The following TSPAN15 variants were observed in gnomAD, a reference collection of about 807,000 sequenced individuals.
TSPAN15 encodes the protein tetraspanin-15.
In TSPAN15, 20 loss-of-function variants were observed where a neutral mutation model predicts 34.5. That is an observed-to-expected ratio of 0.58 (90% CI 0.41 to 0.84). The LOEUF (loss-of-function observed/expected upper bound fraction) is 0.84, where lower values mean the gene tolerates loss of function less well. TSPAN15 is among the 40% of genes least tolerant of loss of function. The pLI, the probability that TSPAN15 is intolerant of heterozygous loss-of-function variation, is 0.00. For missense variants in TSPAN15, 313 were observed against 386.1 expected, an observed-to-expected ratio of 0.81 and a Z score of 1.59; for synonymous variants, 155 against 153.9, an observed-to-expected ratio of 1.01 and a Z score of -0.05.
chr10:69,521,490 T>C, the TSPAN15 span, among the ~76,000 whole-genome samples: 7 of 147,420 alleles, frequency 4.7e-5, 1 homozygote, highest in Admixed American at 4.2e-4. Context: ...CTACTAAAAA[T>C]ACAAAAATTA....
intron 1 of TSPAN15, among the ~76,000 whole-genome samples, chr10:69,470,439 T>A (rs1420572264): frequency 6.6e-6 from 1 of 152,164 alleles, no homozygotes; most frequent in Non-Finnish European, 1.5e-5. Flanking sequence ...TTATTTCAAT[T>A]ATTTCCCTAT....
chr10:69,486,147 G>A (rs1282189951), intron 3 of TSPAN15, among the ~76,000 whole-genome samples: 1 of 152,338 alleles, frequency 6.6e-6, no homozygotes, highest in East Asian at 1.9e-4. Context: ...GACTGGGCAC[G>A]GTTCTGGCAC....
the TSPAN15 span, among the ~76,000 whole-genome samples, chr10:69,517,408 CT>C: frequency 6.6e-6 from 1 of 152,240 alleles, no homozygotes; most frequent in Non-Finnish European, 1.5e-5. Flanking sequence ...GCTCGGCCCC[CT>C]GAAGGAGGTT....
intron 1 of TSPAN15, among the ~76,000 whole-genome samples, chr10:69,456,914 C>T (rs1377736327): frequency 6.6e-6 from 1 of 152,174 alleles, no homozygotes; most frequent in Non-Finnish European, 1.5e-5. Flanking sequence ...GTGTTTGAGG[C>T]TCACTTGTCA....
chr10:69,465,126 C>T (rs1589626540), intron 1 of TSPAN15, among the ~76,000 whole-genome samples: 1 of 152,230 alleles, frequency 6.6e-6, no homozygotes, highest in African/African-American at 2.4e-5. Flanking sequence ...TGCAGACATT[C>T]TGTGATCTGG....
intron 5 of TSPAN15, among the ~76,000 whole-genome samples, chr10:69,502,771 G>C (rs1009621469): frequency 6.6e-6 from 1 of 152,168 alleles, no homozygotes; most frequent in African/African-American, 2.4e-5. Context: ...TGATGCCAGA[G>C]AGGCCTCTGC....
chr10:69,542,909 G>A, the TSPAN15 span, among the ~76,000 whole-genome samples: 1 of 152,240 alleles, frequency 6.6e-6, no homozygotes, highest in Non-Finnish European at 1.5e-5. Context: ...ACAGACCTGG[G>A]TTTGAAAGTC....
At chr10:69,546,932 T>A in the TSPAN15 span, among the ~76,000 whole-genome samples, 1 of 151,774 alleles carries the variant, frequency 6.6e-6, no homozygotes, top group African/African-American at 2.4e-5. Context: ...TCACATGAGG[T>A]CAGGAGTTCA....
At chr10:69,489,186 T>C (rs1463912252) in intron 3 of TSPAN15, among the ~76,000 whole-genome samples, 1 of 152,228 alleles carries the variant, frequency 6.6e-6, no homozygotes. Context: ...ATATCTTCCC[T>C]ACTTGCATGT....
chr10:69,464,134 C>A (rs952314209), intron 1 of TSPAN15, among the ~76,000 whole-genome samples: 1 of 152,258 alleles, frequency 6.6e-6, no homozygotes, highest in Non-Finnish European at 1.5e-5. Flanking sequence ...GAGGGCTTCT[C>A]CCCTAGAGCC....
the TSPAN15 span, among the ~76,000 whole-genome samples, chr10:69,524,599 C>A: frequency 7.2e-6 from 1 of 139,574 alleles, no homozygotes; most frequent in East Asian, 2.7e-4. Flanking sequence ...TAAGTAAGCA[C>A]AATAACATAT....
At chr10:69,460,790 G>A (rs1841235462) in intron 1 of TSPAN15, among the ~76,000 whole-genome samples, 1 of 152,112 alleles carries the variant, frequency 6.6e-6, no homozygotes, top group African/African-American at 2.4e-5. Context: ...AGAGAGGAGT[G>A]GAGATGAGTC....
rs755068937 is a variant in TSPAN15 at position 69,462,155 on chromosome 10, G to GTT, written c.96+10490_96+10491dup. On this transcript the variant is annotated intron_variant, in intron 1 of 7. Coordinates refer to ENST00000373290, the MANE Select transcript of TSPAN15 (RefSeq NM_012339.5). ...GCCACCATACCTGGCTAATTTTAAAGTTTTTTTTTTTTTTTTTTTTTTTTT... is the reference window on the plus strand; with the variant it reads ...GCCACCATACCTGGCTAATTTTAAAGTTTTTTTTTTTTTTTTTTTTTTTTTTT... 9.9e-4 allele frequency among the ~76,000 whole-genome samples: 82 copies of GTT among 82,702 alleles called. 3 individuals are homozygous for GTT. Among genetic ancestry groups the GTT allele is most frequent in the South Asian group, 3.2e-3 (7 of 2,166 alleles). 54.3% of individuals were successfully genotyped at this position (82,702 alleles called of 152,430 possible).
intron 1 of TSPAN15, among the ~76,000 whole-genome samples, chr10:69,465,671 G>C (rs1367230334): frequency 1.3e-5 from 2 of 151,608 alleles, no homozygotes; most frequent in African/African-American, 4.9e-5. Flanking sequence ...TAACTCACTC[G>C]TGAGAGCTAG....
intron 3 of TSPAN15, among the ~76,000 whole-genome samples, chr10:69,488,790 C>T (rs906689868): frequency 1.3e-5 from 2 of 152,162 alleles, no homozygotes; most frequent in Non-Finnish European, 2.9e-5. Flanking sequence ...AGATCACATG[C>T]TTCTAAGGGA....
the TSPAN15 span, among the ~76,000 whole-genome samples, chr10:69,530,573 A>G: frequency 1.9e-4 from 28 of 146,242 alleles, 1 homozygote; most frequent in African/African-American, 6.4e-4. Context: ...CGGGAGTTGG[A>G]GGCAGGTGGA....
Position 69,506,893 on chromosome 10 carries a change from CTG to C in TSPAN15, c.802_803del (p.Val268HisfsTer2). On this transcript the variant is annotated frameshift_variant, in exon 8 of 8. Coordinates refer to ENST00000373290, the MANE Select transcript of TSPAN15 (RefSeq NM_012339.5). LOFTEE classifies it high-confidence loss of function. This position sits in a 1 kb window ranked among gnomAD's most constrained non-coding sequence, Gnocchi z 4.7. ...GTGGAGGACATCATCATGGAGCACT[CTG>C]TCACTGATGGGCTCCTGGGGCCCGG... 1 of 1,607,006 alleles carries C rather than the reference CTG, an allele frequency of 6.2e-7. No individual in the cohort carries two copies. The highest frequency in any genetic ancestry group is 8.5e-7 in the Non-Finnish European group (1 of 1,177,312).
At chr10:69,493,391 C>T (rs28548623) in intron 3 of TSPAN15, among the ~76,000 whole-genome samples, 11 of 152,112 alleles carry the variant, frequency 7.2e-5, no homozygotes, top group Non-Finnish European at 1.5e-4. Flanking sequence ...CAATCCCAGG[C>T]CTGCTCCAGA....
intron 1 of TSPAN15, among the ~76,000 whole-genome samples, chr10:69,456,341 C>A (rs1031015777): frequency 2.0e-5 from 3 of 152,176 alleles, no homozygotes; most frequent in African/African-American, 7.2e-5. Flanking sequence ...CCAGCCTGGG[C>A]CTCCCAAAGT....
Sources: allele counts gnomAD v4.1 joint callset (sites outside exome capture counted in the v4.1 genomes callset), GRCh38; gene constraint gnomAD v4.1.1; non-coding constraint Gnocchi (gnomAD v3.1); transcripts MANE v1.5; gene names NCBI Gene and HGNC (gene_info 2026-07-23, HGNC 2026-07-21).